Variants in TMEM273 observed in about 807,000 individuals in gnomAD.
TMEM273 encodes the protein transmembrane protein 273, also known as chromosome 10 open reading frame 128.
TMEM273 carries 19 observed loss-of-function variants against 17.9 expected under a neutral mutation model. The ratio of observed to expected loss-of-function variants is 1.06; its 90% CI spans 0.74 to 1.55. The LOEUF (loss-of-function observed/expected upper bound fraction) is 1.55, where lower values mean the gene tolerates loss of function less well. Ranked by LOEUF, TMEM273 falls within the 40% of genes most tolerant of loss-of-function variation. The pLI, the probability that TMEM273 is intolerant of heterozygous loss-of-function variation, is 0.00. For missense variants in TMEM273, 194 were observed against 155.6 expected (o/e 1.25, Z -1.31); for synonymous variants, 66 against 62.0 (o/e 1.07, Z -0.31).
rs1846228585 is a variant in TMEM273 at position 49,166,921 on chromosome 10, G to A, written c.186C>T (p.His62=). ...GGTCGGAAGAGTCGTCGTCAAATAA[G>A]TGCCTCCTGATCATGCAGATCTTCA... ...LALKICMIRR[H]LFDDDSSDLK... The change falls in exon 3 of 7, where the codon CAC becomes CAT. Residue 62 remains histidine, a synonymous_variant. Transcript: ENST00000374153. 2 of 1,614,012 alleles carry A rather than the reference G, an allele frequency of 1.2e-6. No individual in the cohort carries two copies. Among genetic ancestry groups the A allele is most frequent in the South Asian group, 1.1e-5 (1 of 91,066 alleles).
chr10:49,162,970 C>A (rs745782127), intron 5 of TMEM273, among the ~76,000 whole-genome samples: 7 of 152,232 alleles, frequency 4.6e-5, no homozygotes, highest in Non-Finnish European at 1.0e-4. Flanking sequence ...GCTGACTCAG[C>A]GCCCAACCCA....
At chr10:49,156,303 A>C in intron 6 of TMEM273, 1 of 1,306,180 alleles carries the variant, frequency 7.7e-7, no homozygotes, top group South Asian at 1.2e-5. Flanking sequence ...TAGAACTGGA[A>C]AATAATGCCT....
At chr10:49,166,043 C>T (rs975666851) in intron 3 of TMEM273, among the ~76,000 whole-genome samples, 2 of 152,224 alleles carry the variant, frequency 1.3e-5, no homozygotes, top group Non-Finnish European at 2.9e-5. Flanking sequence ...GATGCACACG[C>T]CAGCATCTCG....
At chr10:49,167,810 G>A (rs1234628572) in intron 2 of TMEM273, 99 bp downstream of exon 2, 1 of 1,490,946 alleles carries the variant, frequency 6.7e-7, no homozygotes, top group African/African-American at 1.4e-5. Flanking sequence ...GCTGACAGCA[G>A]GGAACCAATT....
chr10:49,179,360 C>T (rs1254386816), intron 1 of TMEM273, among the ~76,000 whole-genome samples: 5 of 152,178 alleles, frequency 3.3e-5, no homozygotes, highest in Admixed American at 6.5e-5. Context: ...AGAGACTCCC[C>T]AGCAGGCATT....
chr10:49,181,066 A>G (rs1847311715), intron 1 of TMEM273, among the ~76,000 whole-genome samples: 1 of 152,258 alleles, frequency 6.6e-6, no homozygotes, highest in African/African-American at 2.4e-5. Flanking sequence ...GTGGAATACA[A>G]TAAGATTAAC....
At chr10:49,161,401 G>A (rs1470651795) in intron 6 of TMEM273, 198 bp downstream of exon 6, 4 of 644,690 alleles carry the variant, frequency 6.2e-6, no homozygotes, top group Non-Finnish European at 1.1e-5. Context: ...GTTAAATCTT[G>A]CCAAGTACCA....
At chr10:49,185,408 C>A (rs1448675773) in intron 1 of TMEM273, among the ~76,000 whole-genome samples, 3 of 151,986 alleles carry the variant, frequency 2.0e-5, no homozygotes, top group African/African-American at 7.3e-5. Context: ...GCCCCCAAGT[C>A]CCCTGAGGTA....
chr10:49,186,961 T>C (rs2132317431), intron 1 of TMEM273, among the ~76,000 whole-genome samples: 1 of 152,336 alleles, frequency 6.6e-6, no homozygotes, highest in South Asian at 2.1e-4. Flanking sequence ...TTTTATTATT[T>C]GTGAGACTGG....
intron 1 of TMEM273, among the ~76,000 whole-genome samples, chr10:49,172,008 T>C (rs1342941200): frequency 1.3e-5 from 2 of 152,230 alleles, no homozygotes; most frequent in Non-Finnish European, 2.9e-5. Context: ...GATGTCGTTC[T>C]ATAAGTATTT....
intron 6 of TMEM273, among the ~76,000 whole-genome samples, chr10:49,158,143 G>A (rs991825688): frequency 2.6e-5 from 4 of 152,054 alleles, no homozygotes; most frequent in African/African-American, 7.2e-5. Context: ...AAACTCTCCT[G>A]AAACACACAA....
intron 5 of TMEM273, among the ~76,000 whole-genome samples, chr10:49,163,111 CG>C (rs1279722637): frequency 6.6e-6 from 1 of 151,726 alleles, no homozygotes; most frequent in African/African-American, 2.4e-5. Flanking sequence ...CAGAGCTGCC[CG>C]GGGCAAAGGC....
At chr10:49,157,562 T>A (rs1444260577) in intron 6 of TMEM273, among the ~76,000 whole-genome samples, 1 of 152,242 alleles carries the variant, frequency 6.6e-6, no homozygotes, top group Non-Finnish European at 1.5e-5. Context: ...TACATTCTGG[T>A]TAGCCCCAGG....
chr10:49,187,612 C>T (rs949428369), intron 1 of TMEM273, among the ~76,000 whole-genome samples: 3 of 152,196 alleles, frequency 2.0e-5, no homozygotes, highest in Non-Finnish European at 4.4e-5. Flanking sequence ...AACCATCTCT[C>T]TATGTCTCTG....
At chr10:49,174,552 T>A (rs1339679698) in intron 1 of TMEM273, among the ~76,000 whole-genome samples, 2 of 152,208 alleles carry the variant, frequency 1.3e-5, no homozygotes, top group African/African-American at 4.8e-5. Context: ...TCCAGTCTTA[T>A]CAGAGCATGA....
intron 1 of TMEM273, among the ~76,000 whole-genome samples, chr10:49,177,117 C>G (rs1248997651): frequency 6.6e-6 from 1 of 152,172 alleles, no homozygotes; most frequent in African/African-American, 2.4e-5. Flanking sequence ...ACCACAGACC[C>G]TCCAGGACCA....
intron 5 of TMEM273, among the ~76,000 whole-genome samples, chr10:49,163,443 G>A (rs1163681440): frequency 2.0e-5 from 3 of 152,124 alleles, no homozygotes; most frequent in East Asian, 1.9e-4. Flanking sequence ...ACGTGACATG[G>A]CCAGCAAGAG....
chr10:49,163,332 G>A (rs1311068827), intron 5 of TMEM273, among the ~76,000 whole-genome samples: 1 of 147,018 alleles, frequency 6.8e-6, no homozygotes, highest in Non-Finnish European at 1.5e-5. Flanking sequence ...AGAGAGAGAT[G>A]GGACATATGG....
Position 49,155,818 on chromosome 10 carries a change from C to T in TMEM273, c.*74G>A. ...CAGCCTTGGGTGTTTGAATGCAGAACATCCTGAGATGTTAACCATGGGCTG... is the reference window on the plus strand; with the variant it reads ...CAGCCTTGGGTGTTTGAATGCAGAATATCCTGAGATGTTAACCATGGGCTG... On this transcript the variant is annotated 3_prime_UTR_variant, in exon 7 of 7. Transcript: ENST00000374153. The T allele has an allele frequency of 6.2e-7, 1 of 1,611,508 alleles. No homozygotes were observed. Among genetic ancestry groups the T allele is most frequent in the East Asian group, 2.2e-5 (1 of 44,878 alleles).
Sources: allele counts gnomAD v4.1 joint callset (sites outside exome capture counted in the v4.1 genomes callset), GRCh38; gene constraint gnomAD v4.1.1; transcripts MANE v1.5; gene names NCBI Gene and HGNC (gene_info 2026-07-23, HGNC 2026-07-21).